Variants in KAT6B observed in about 807,000 individuals in gnomAD.
The protein encoded by KAT6B is histone acetyltransferase KAT6B.
KAT6B carries 10 observed loss-of-function variants against 187.5 expected under a neutral mutation model. The ratio of observed to expected loss-of-function variants is 0.05; its 90% CI spans 0.03 to 0.09. The LOEUF (loss-of-function observed/expected upper bound fraction) is 0.09, where lower values mean the gene tolerates loss of function less well. Among genes scored for constraint, KAT6B ranks in the 10% least tolerant of loss-of-function variants. KAT6B has a pLI of 1.00. For missense variants in KAT6B, 1,952 were observed against 2,558.9 expected (o/e 0.76, Z 5.12); for synonymous variants, 861 against 926.8 (o/e 0.93, Z 1.29).
chr10:74,967,485 G>A (rs1373313189), intron 4 of KAT6B, among the ~76,000 whole-genome samples: 3 of 152,176 alleles, frequency 2.0e-5, no homozygotes, highest in Non-Finnish European at 4.4e-5. Context: ...ACGGTCTTTT[G>A]TGTTATTTTA....
At chr10:74,849,440 G>A (rs1006075411) in intron 3 of KAT6B, among the ~76,000 whole-genome samples, 3 of 151,656 alleles carry the variant, frequency 2.0e-5, no homozygotes, top group Admixed American at 6.6e-5. Context: ...TTACAGGCAC[G>A]CACCACCAAG....
At chr10:74,993,240 C>G (rs1055847082) in intron 13 of KAT6B, among the ~76,000 whole-genome samples, 3 of 152,234 alleles carry the variant, frequency 2.0e-5, no homozygotes, top group Non-Finnish European at 4.4e-5. Context: ...GGCTGCCCAG[C>G]AATGCCTTAT....
chr10:74,968,521 G>A (rs1432355098), intron 4 of KAT6B, among the ~76,000 whole-genome samples: 1 of 152,034 alleles, frequency 6.6e-6, no homozygotes, highest in Non-Finnish European at 1.5e-5. Flanking sequence ...TAGGGAGGAG[G>A]ACCTTTTTGG....
chr10:74,863,339 A>C (rs1843323800), intron 3 of KAT6B, among the ~76,000 whole-genome samples: 1 of 152,214 alleles, frequency 6.6e-6, no homozygotes, highest in South Asian at 2.1e-4. Context: ...GAAGCTGACT[A>C]AATAGCTGCA....
intron 1 of KAT6B, among the ~76,000 whole-genome samples, chr10:74,834,149 C>T (rs1841087868): frequency 6.6e-6 from 1 of 151,926 alleles, no homozygotes; most frequent in African/African-American, 2.4e-5. Context: ...TCCTATTCAT[C>T]TGTCACGTTC....
At chr10:74,909,806 T>C (rs982100095) in intron 3 of KAT6B, among the ~76,000 whole-genome samples, 3 of 152,196 alleles carry the variant, frequency 2.0e-5, no homozygotes, top group Non-Finnish European at 4.4e-5. Context: ...GGAAATCTTA[T>C]GGAGCAGTTG....
chr10:74,926,087 TTTGACTTTGAAATTAAACAC>T (rs1204244199), intron 3 of KAT6B, among the ~76,000 whole-genome samples: 1 of 152,362 alleles, frequency 6.6e-6, no homozygotes, highest in Admixed American at 6.5e-5. Context: ...AATTGTTGAA[TTTGACTTTGAAATTAAACAC>T]TTGATATTTT....
intron 1 of KAT6B, among the ~76,000 whole-genome samples, chr10:74,830,357 T>C (rs924122302): frequency 6.6e-6 from 1 of 152,160 alleles, no homozygotes; most frequent in Non-Finnish European, 1.5e-5. Flanking sequence ...CCTATACCTG[T>C]CATCTGGTGC....
chr10:75,009,845 T>C (rs1331750453), intron 13 of KAT6B, among the ~76,000 whole-genome samples: 10 of 152,044 alleles, frequency 6.6e-5, no homozygotes, highest in Admixed American at 5.9e-4. Context: ...CTACTAAAAA[T>C]ACAAAATTAC....
intron 3 of KAT6B, among the ~76,000 whole-genome samples, chr10:74,933,491 C>T (rs1410575947): frequency 6.6e-6 from 1 of 152,110 alleles, no homozygotes; most frequent in Non-Finnish European, 1.5e-5. Context: ...GACACATGCC[C>T]CTGGTTGTAT....
intron 3 of KAT6B, among the ~76,000 whole-genome samples, chr10:74,908,312 C>T (rs577834206): frequency 5.3e-5 from 8 of 152,052 alleles, no homozygotes; most frequent in Non-Finnish European, 1.2e-4. Flanking sequence ...CCTGTAATCG[C>T]GGCACTTTGG....
rs887898864 is a variant in KAT6B at position 74,826,860 on chromosome 10, G to C, written c.-329+75G>C. 5.9e-5 allele frequency: 9 copies of C among 151,696 alleles called. No homozygotes were observed. In the East Asian group the frequency reaches 1.8e-3, roughly 30 times the overall value. The allele number at this position is 151,696 out of a possible 1,614,324, so 9.4% of individuals were successfully genotyped here. ...GGGGGAACAGACGGGGGGGGATTCA[G>C]GGGCTTGCGACGCCCCTCCCACAGG... On this transcript the variant is annotated intron_variant, in intron 1 of 17. Transcript: ENST00000287239.
At chr10:74,825,316 C>A (rs1451930582), upstream of KAT6B, among the ~76,000 whole-genome samples, 2 of 151,860 alleles carry the variant, frequency 1.3e-5, no homozygotes, top group African/African-American at 4.8e-5. The surrounding 1 kb of genome is among the most constrained non-coding windows in gnomAD (Gnocchi z 5.0). Context: ...AGCGTCTCCG[C>A]CCTCCCCCGA....
At chr10:74,961,660 A>G (rs990352025) in intron 4 of KAT6B, among the ~76,000 whole-genome samples, 8 of 152,158 alleles carry the variant, frequency 5.3e-5, no homozygotes, top group Non-Finnish European at 1.2e-4. Context: ...TTCTGATGTA[A>G]TCAATCTCCC....
Position 74,975,717 on chromosome 10 carries a change from G to A in KAT6B, c.1380G>A (p.Lys460=). 1 of 1,614,152 alleles carries A rather than the reference G, an allele frequency of 6.2e-7. No individual in the cohort carries two copies. Residue 460 remains lysine, a synonymous_variant, in exon 8 of 18, where the codon AAG becomes AAA. Transcript: ENST00000287239. ...RSRGEIIDFS[K]HYRPRKKVSQ... ...GAGGTGAAATTATAGACTTTTCAAAGCACTATCGTCCAAGGAAAAAGGTCT... is the reference window on the plus strand; with the variant it reads ...GAGGTGAAATTATAGACTTTTCAAAACACTATCGTCCAAGGAAAAAGGTCT...
chr10:74,894,585 C>G, intron 3 of KAT6B, among the ~76,000 whole-genome samples: 1 of 152,162 alleles, frequency 6.6e-6, no homozygotes, highest in East Asian at 1.9e-4. Context: ...CTGCTTCTGC[C>G]AGCCTCTACC....
intron 3 of KAT6B, among the ~76,000 whole-genome samples, chr10:74,890,097 G>A (rs1845546663): frequency 6.6e-6 from 1 of 151,796 alleles, no homozygotes; most frequent in Admixed American, 6.6e-5. Flanking sequence ...GGAGTGCAGT[G>A]GTGTAGTCTT....
chr10:74,863,967 C>G (rs2132318692), intron 3 of KAT6B, among the ~76,000 whole-genome samples: 1 of 152,306 alleles, frequency 6.6e-6, no homozygotes, highest in Middle Eastern at 3.4e-3. Flanking sequence ...CTTTGCCCCT[C>G]TTATCTCAAT....
intron 3 of KAT6B, among the ~76,000 whole-genome samples, chr10:74,843,934 C>T (rs999904867): frequency 2.0e-5 from 3 of 152,208 alleles, no homozygotes; most frequent in South Asian, 2.1e-4. Flanking sequence ...AGTGCAGTGG[C>T]GCAGTCTTGA....
Sources: gnomAD v4.1 joint callset for allele counts (sites outside exome capture counted in the v4.1 genomes callset) on GRCh38, gnomAD v4.1.1 for gene constraint, Gnocchi (gnomAD v3.1) non-coding constraint, MANE v1.5 for transcripts, NCBI Gene and HGNC (gene_info 2026-07-23, HGNC 2026-07-21) for gene names.